The following SNX6 variants were observed in gnomAD, a reference collection of about 807,000 sequenced individuals.
SNX6 encodes sorting nexin-6.
In SNX6, 34 loss-of-function variants were observed where a neutral mutation model predicts 63.0. That is an observed-to-expected ratio of 0.54 (90% CI 0.41 to 0.72). The LOEUF (loss-of-function observed/expected upper bound fraction) is 0.72. Ranked by LOEUF, SNX6 falls within the 30% of genes least tolerant of loss-of-function variation. The pLI, the probability that SNX6 is intolerant of heterozygous loss-of-function variation, is 0.00. For synonymous variants in SNX6, 170 were observed against 164.2 expected (o/e 1.04, Z -0.27); for missense variants, 398 against 471.4 (o/e 0.84, Z 1.44).
chr14:34,614,404 T>C (rs1883345692), intron 2 of SNX6, among the ~76,000 whole-genome samples: 1 of 150,640 alleles, frequency 6.6e-6, no homozygotes. Context: ...GCCAATGCAC[T>C]CCAGCCTGGG....
chr14:34,582,070 G>A (rs973560365), intron 9 of SNX6, among the ~76,000 whole-genome samples: 3 of 150,794 alleles, frequency 2.0e-5, no homozygotes, highest in Non-Finnish European at 2.9e-5. Context: ...CTCGTGATCC[G>A]CCCGCCTCGG....
At chr14:34,590,853 T>C (rs1343552015) in intron 8 of SNX6, among the ~76,000 whole-genome samples, 1 of 152,182 alleles carries the variant, frequency 6.6e-6, no homozygotes, top group African/African-American at 2.4e-5. Flanking sequence ...AAATAAATAA[T>C]TGTTGTATAT....
chr14:34,607,896 A>G, intron 4 of SNX6, 134 bp downstream of exon 4: 1 of 487,942 alleles, frequency 2.0e-6, no homozygotes, highest in African/African-American at 2.0e-5. Flanking sequence ...CAACAGAGTG[A>G]GACTCCATCT....
chr14:34,595,758 C>T (rs28421851), intron 7 of SNX6, among the ~76,000 whole-genome samples: 62,050 of 151,670 alleles, frequency 0.41, 13,249 homozygotes, highest in African/African-American at 0.48. Context: ...CTCTACACAC[C>T]GATTTTATTA....
intron 2 of SNX6, among the ~76,000 whole-genome samples, chr14:34,614,203 G>T (rs1883337363): frequency 6.6e-6 from 1 of 151,910 alleles, no homozygotes; most frequent in Admixed American, 6.6e-5. Context: ...GAGGCGATTG[G>T]AACACTTGAG....
At chr14:34,578,088 C>T (rs190150564) in intron 10 of SNX6, among the ~76,000 whole-genome samples, 21 of 151,928 alleles carry the variant, frequency 1.4e-4, no homozygotes, top group Middle Eastern at 3.4e-3. Context: ...CCTGTAATCC[C>T]AGGTACTTGG....
At chr14:34,565,980 C>T (rs960005075) in intron 13 of SNX6, among the ~76,000 whole-genome samples, 5 of 151,372 alleles carry the variant, frequency 3.3e-5, no homozygotes, top group Non-Finnish European at 5.9e-5. Context: ...TGAGCCACCA[C>T]GCCTGGCTGA....
intron 11 of SNX6, among the ~76,000 whole-genome samples, chr14:34,568,524 C>T (rs771381050): frequency 1.3e-4 from 20 of 151,898 alleles, no homozygotes; most frequent in South Asian, 2.1e-4. Flanking sequence ...TTTGTAGAGA[C>T]GGGGCCTCAC....
In SNX6 at chr14:34,621,282, T is replaced by C. The variant is rs557011274; in HGVS notation, c.54+8625A>G. Among the ~76,000 whole-genome samples, 4 of 152,252 alleles carry C rather than the reference T, an allele frequency of 2.6e-5. No individual in the cohort carries two copies. The East Asian group carries it at 5.8e-4, about 22-fold the overall frequency. ...CTGAAGCCTCCTCTGATTCGCCTCCTACCCCTCTCAGCCCCATTAACCAAT... is the reference window on the plus strand; with the variant it reads ...CTGAAGCCTCCTCTGATTCGCCTCCCACCCCTCTCAGCCCCATTAACCAAT... On this transcript the variant is annotated intron_variant, in intron 2 of 13. Coordinates refer to ENST00000362031, the MANE Select transcript of SNX6 (RefSeq NM_152233.4).
intron 9 of SNX6, among the ~76,000 whole-genome samples, chr14:34,582,864 T>C (rs929415215): frequency 2.0e-5 from 3 of 151,522 alleles, no homozygotes; most frequent in South Asian, 2.1e-4. Context: ...TCTAGATTCA[T>C]TGTAGCAAAT....
At chr14:34,581,876 C>T (rs966514798) in intron 9 of SNX6, among the ~76,000 whole-genome samples, 3 of 151,924 alleles carry the variant, frequency 2.0e-5, no homozygotes, top group East Asian at 3.9e-4. Context: ...TTGCGCAGAA[C>T]GGAGTGCAAC....
At chr14:34,609,885 CTATATA>C in intron 2 of SNX6, 143 bp from the exon 3 acceptor site, 1 of 578,568 alleles carries the variant, frequency 1.7e-6, no homozygotes, top group Non-Finnish European at 3.1e-6. Context: ...AACATACATA[CTATATA>C]CATTTTGAAG....
At chr14:34,603,513 A>C in intron 5 of SNX6, 42 bp from the exon 6 acceptor site, 1 of 1,502,492 alleles carries the variant, frequency 6.7e-7, no homozygotes, top group South Asian at 1.4e-5. Context: ...AACTCCATCA[A>C]CTAAAAAGTC....
chr14:34,604,321 C>A (rs1882936463), intron 5 of SNX6: 2 of 1,214,516 alleles, frequency 1.6e-6, no homozygotes, highest in African/African-American at 3.2e-5. Flanking sequence ...ATCACAGATT[C>A]TTCGATATTA....
chr14:34,600,807 G>A (rs929615233), intron 6 of SNX6, among the ~76,000 whole-genome samples: 9 of 152,176 alleles, frequency 5.9e-5, no homozygotes, highest in Admixed American at 2.0e-4. Context: ...GGAGGCCGAC[G>A]CAGGCAGATC....
chr14:34,565,225 C>G lies in SNX6; in HGVS notation c.1168-2050G>C, dbSNP rs539089042. Among the ~76,000 whole-genome samples the G allele has an allele frequency of 8.0e-4, 121 of 151,418 alleles. 3 individuals carry two copies. The South Asian group carries it at 0.025, about 31-fold the overall frequency. ...CCCGAGTAGCTGGGACTACAGGCGC[C>G]CGCCACCACGCCCGGCTAATTTTTT... On this transcript the variant is annotated intron_variant, in intron 13 of 13. Coordinates refer to ENST00000362031, the MANE Select transcript of SNX6 (RefSeq NM_152233.4).
At chr14:34,608,843 A>G (rs1883116534) in intron 3 of SNX6, among the ~76,000 whole-genome samples, 1 of 151,836 alleles carries the variant, frequency 6.6e-6, no homozygotes, top group African/African-American at 2.4e-5. Flanking sequence ...ACCCTGATCA[A>G]TAAGGTGAAA....
At chr14:34,617,607 CAAAAAAAAAAAAAAA>C (rs34716944) in intron 2 of SNX6, among the ~76,000 whole-genome samples, 1 of 66,906 alleles carries the variant, frequency 1.5e-5, no homozygotes, top group Admixed American at 1.3e-4. Flanking sequence ...GACCCTGTCT[CAAAAAAAAAAAAAAA>C]AAAAAAAAAA....
chr14:34,625,861 A>C (rs781342124), intron 2 of SNX6, among the ~76,000 whole-genome samples: 11 of 152,120 alleles, frequency 7.2e-5, no homozygotes, highest in Non-Finnish European at 1.3e-4. Flanking sequence ...TTTAGTGAGG[A>C]GGTGACACCC....
Sources: allele counts gnomAD v4.1 joint callset (sites outside exome capture counted in the v4.1 genomes callset), GRCh38; gene constraint gnomAD v4.1.1; transcripts MANE v1.5; gene names NCBI Gene and HGNC (gene_info 2026-07-23, HGNC 2026-07-21).